RASGRF1: variants seen among roughly 807,000 people sequenced by gnomAD.
RASGRF1 encodes ras-specific guanine nucleotide-releasing factor 1.
Under a neutral mutation model 138.7 loss-of-function variants are expected in RASGRF1, and 40 were observed. That is an observed-to-expected ratio of 0.29 (90% CI 0.22 to 0.38). The LOEUF is 0.38. RASGRF1 is among the 10% of genes least tolerant of loss of function. The pLI is 1.00. For missense variants in RASGRF1, 1,108 were observed against 1,650.4 expected (o/e 0.67, Z 5.69); for synonymous variants, 614 against 663.2 (o/e 0.93, Z 1.14).
rs1395354579 is a variant in RASGRF1, at chr15:78,962,220, A to T, written c.3698T>A (p.Leu1233Gln). The change falls in exon 27 of 27, where the codon CTG (leucine) becomes CAG (glutamine). Residue 1233 changes from leucine (L) to glutamine (Q), a missense_variant. This residue lies in a region of RASGRF1 where 686 missense variants were observed against 976.7 expected (regional missense o/e 0.70). Coordinates refer to ENST00000558480, the MANE Select transcript of RASGRF1 (RefSeq NM_001145648.3). ...EHQAKVTQYL[L>Q]DQSFVMDEES... ...TTCATCCATTACAAAAGATTGGTCCAGTAAATATTGCGTTACCTGAGAAAA... is the reference window on the plus strand; with the variant it reads ...TTCATCCATTACAAAAGATTGGTCCTGTAAATATTGCGTTACCTGAGAAAA... The T allele has an allele frequency of 1.3e-6, 2 of 1,574,496 alleles. No homozygotes were observed. The highest frequency in any genetic ancestry group is 1.4e-5 in the African/African-American group (1 of 73,916).
At chr15:78,987,450 AC>A (rs2056182386) in intron 22 of RASGRF1, among the ~76,000 whole-genome samples, 1 of 152,164 alleles carries the variant, frequency 6.6e-6, no homozygotes, top group African/African-American at 2.4e-5. Flanking sequence ...TAATTCCAGT[AC>A]TTTGGGAGCT....
chr15:79,064,089 G>A (rs893125170), intron 2 of RASGRF1, among the ~76,000 whole-genome samples: 1 of 152,166 alleles, frequency 6.6e-6, no homozygotes, highest in African/African-American at 2.4e-5. Flanking sequence ...GGCTGCATTT[G>A]GGTCAGAATG....
chr15:79,076,682 G>C (rs1050566541), intron 1 of RASGRF1, among the ~76,000 whole-genome samples: 2 of 152,214 alleles, frequency 1.3e-5, no homozygotes, highest in African/African-American at 4.8e-5. Context: ...GCTAGGCGGA[G>C]GTGTTCAGGC....
chr15:78,973,239 G>A lies in RASGRF1; in HGVS notation c.3612+64C>T. The A allele has an allele frequency of 8.2e-6, 11 of 1,335,738 alleles. No homozygotes were observed. The highest frequency in any genetic ancestry group is 1.2e-5 in the Non-Finnish European group (11 of 954,546). The allele number at this position is 1,335,738 out of a possible 1,614,324, so 82.7% of individuals were successfully genotyped here. A position where few individuals can be genotyped will look rare whatever the true frequency, so the allele number is the denominator to read the frequency against. On this transcript the variant is annotated intron_variant, in intron 25 of 26. Transcript: ENST00000558480. The surrounding 1 kb of genome is among the most constrained non-coding windows in gnomAD (Gnocchi z 4.9). ...GCCTTGGGGGGCAGAGTGTGGGTGG[G>A]CCCCAGGTTGAGTCATCTGGGCTTC...
intron 5 of RASGRF1, among the ~76,000 whole-genome samples, chr15:79,045,239 C>T (rs577112195): frequency 6.6e-6 from 1 of 152,190 alleles, no homozygotes; most frequent in African/African-American, 2.4e-5. Flanking sequence ...TGGGCTCCAC[C>T]CAGACCTACA....
At chr15:79,008,130 C>T (rs558393308) in intron 13 of RASGRF1, among the ~76,000 whole-genome samples, 138 of 152,300 alleles carry the variant, frequency 9.1e-4, no homozygotes, top group Admixed American at 4.6e-3. Context: ...CGTGAGCCAC[C>T]GCACCTGGCT....
intron 23 of RASGRF1, 25 bp downstream of exon 23, chr15:78,984,982 A>G: frequency 6.2e-7 from 1 of 1,605,730 alleles, no homozygotes. Context: ...CCAGGGAGGC[A>G]GTGGTGCCAG....
intron 23 of RASGRF1, among the ~76,000 whole-genome samples, chr15:78,982,688 T>C (rs1424031464): frequency 6.6e-6 from 1 of 152,048 alleles, no homozygotes; most frequent in Non-Finnish European, 1.5e-5. Flanking sequence ...CTAAATTCCA[T>C]CACTTCCTGT....
chr15:79,058,195 C>G (rs916203162), intron 3 of RASGRF1, 139 bp downstream of exon 3: 3 of 1,287,196 alleles, frequency 2.3e-6, no homozygotes, highest in African/African-American at 3.0e-5. Flanking sequence ...AGTACCACCA[C>G]GTCCTAAGTT....
intron 17 of RASGRF1, 74 bp from the exon 18 acceptor site, chr15:78,998,899 T>C (rs2141686717): frequency 3.9e-6 from 5 of 1,270,652 alleles, no homozygotes; most frequent in Non-Finnish European, 4.6e-6. Flanking sequence ...AGTCTGGATT[T>C]GCCTCTCGGA....
intron 1 of RASGRF1, among the ~76,000 whole-genome samples, chr15:79,072,439 C>A (rs2057774098): frequency 6.6e-6 from 1 of 151,712 alleles, no homozygotes; most frequent in Non-Finnish European, 1.5e-5. Flanking sequence ...CCACGCCCGG[C>A]TAATTTTTTG....
At chr15:79,064,288 G>T in intron 2 of RASGRF1, 132 bp downstream of exon 2, 1 of 816,284 alleles carries the variant, frequency 1.2e-6, no homozygotes, top group Non-Finnish European at 1.9e-6. Context: ...ACCCTGCCAA[G>T]AGATGCTTCT....
rs953807919 is a variant in RASGRF1 at position 79,017,689 on chromosome 15, C to A, written c.1743+81G>T. The A allele has an allele frequency of 1.4e-5, 21 of 1,465,798 alleles. No homozygotes were observed. In the Admixed American group the frequency reaches 3.4e-4, roughly 24 times the overall value. The allele number at this position is 1,465,798 out of a possible 1,614,324, so 90.8% of individuals were successfully genotyped here. On this transcript the variant is annotated intron_variant, in intron 12 of 26. Transcript: ENST00000558480. Reference sequence around the variant, plus strand: ...TGCAGCTACTCCACCACCCCCACCCCCTACCTGCCACCAGCCAAATCCCTG... The same window carrying A: ...TGCAGCTACTCCACCACCCCCACCCACTACCTGCCACCAGCCAAATCCCTG...
At chr15:79,061,488 A>C (rs1488708665) in intron 2 of RASGRF1, among the ~76,000 whole-genome samples, 1 of 149,572 alleles carries the variant, frequency 6.7e-6, no homozygotes, top group African/African-American at 2.5e-5. Context: ...GTAGGTCTTA[A>C]GTGCAGTTTG....
intron 11 of RASGRF1, among the ~76,000 whole-genome samples, chr15:79,018,844 G>A (rs2056917907): frequency 6.6e-6 from 1 of 152,102 alleles, no homozygotes; most frequent in African/African-American, 2.4e-5. Context: ...GGCCTAGGAG[G>A]GTAAAGAGTT....
At position 78,973,156 on chromosome 15, in the gene RASGRF1, G is replaced by T. The variant is rs904644943; in HGVS notation, c.3612+147C>A. 3.1e-5 allele frequency: 20 copies of T among 654,836 alleles called. No homozygotes were observed. The highest frequency in any genetic ancestry group is 4.3e-4 in the Middle Eastern group (1 of 2,330). The allele number at this position is 654,836 out of a possible 1,614,324, so 40.6% of individuals were successfully genotyped here. On this transcript the variant is annotated intron_variant, in intron 25 of 26. Transcript: ENST00000558480. The surrounding 1 kb of genome is among the most constrained non-coding windows in gnomAD (Gnocchi z 4.9). ...CTGCTCATCAATGATAGTGATGGCTGTCATTGGGGAAGCTGGACCCAGGCT... is the reference window on the plus strand; with the variant it reads ...CTGCTCATCAATGATAGTGATGGCTTTCATTGGGGAAGCTGGACCCAGGCT...
At chr15:79,088,568 C>G (rs1466489846) in intron 1 of RASGRF1, among the ~76,000 whole-genome samples, 1 of 152,200 alleles carries the variant, frequency 6.6e-6, no homozygotes. Flanking sequence ...CCCATGCCAA[C>G]TTGGCTTCCC....
At chr15:79,057,883 C>T (rs2057531867) in intron 3 of RASGRF1, among the ~76,000 whole-genome samples, 1 of 152,160 alleles carries the variant, frequency 6.6e-6, no homozygotes, top group African/African-American at 2.4e-5. Flanking sequence ...GAAGGGGCTG[C>T]CTTGGAGTTG....
chr15:79,032,271 T>C lies in RASGRF1; in HGVS notation c.1004A>G (p.Glu335Gly). The C allele has an allele frequency of 6.2e-7, 1 of 1,613,982 alleles. No homozygotes were observed. Among genetic ancestry groups the C allele is most frequent in the Non-Finnish European group, 8.5e-7 (1 of 1,179,922 alleles). ...ILLPMLNIYQ[E>G]FVRNHQYSLQ... ...GCTGTACTGGTGGTTGCGGACGAAC[T>C]CTTGGTAGATGTTGAGCATGGGCAG... Residue 335 changes from glutamate (E) to glycine (G), a missense_variant, in exon 7 of 27, where the codon GAG (glutamate) becomes GGG (glycine). Transcript: ENST00000558480. This position sits in a 1 kb window ranked among gnomAD's most constrained non-coding sequence, Gnocchi z 4.5.
Sources: allele counts gnomAD v4.1 joint callset (sites outside exome capture counted in the v4.1 genomes callset), GRCh38; gene constraint gnomAD v4.1.1; regional missense constraint gnomAD v4.1.1; non-coding constraint Gnocchi (gnomAD v3.1); transcripts MANE v1.5; gene names NCBI Gene and HGNC (gene_info 2026-07-23, HGNC 2026-07-21).